AMBRA1: variants seen among roughly 807,000 people sequenced by gnomAD.
The protein encoded by AMBRA1 is autophagy and beclin 1 regulator 1, also known as activating molecule in BECN1-regulated autophagy protein 1.
A neutral mutation model predicts 125.4 loss-of-function variants in AMBRA1; 47 were observed. That is an observed-to-expected ratio of 0.37 (90% CI 0.30 to 0.48). The LOEUF (loss-of-function observed/expected upper bound fraction) is 0.48, where lower values mean the gene tolerates loss of function less well. AMBRA1 is among the 20% of genes least tolerant of loss of function. The pLI, the probability that AMBRA1 is intolerant of heterozygous loss-of-function variation, is 0.99. For synonymous variants in AMBRA1, 626 were observed against 655.5 expected (o/e 0.95, Z 0.69); for missense variants, 1,331 against 1,693.4 (o/e 0.79, Z 3.76).
At position 46,552,368 on chromosome 11, in the gene AMBRA1, C is replaced by CAAAAA. The variant is rs56090695; in HGVS notation, c.-120-3873_-120-3869dup. On this transcript the variant is annotated intron_variant, in intron 1 of 17. Transcript: ENST00000683756. ...TGAGTGACAGAGTGAGACTCCATCT[C>CAAAAA]AAAAAAAAAAAAAAAAAAAAAAAAA... 3.3e-4 allele frequency among the ~76,000 whole-genome samples: 4 copies of CAAAAA among 11,994 alleles called. 1 individual carries two copies. The highest frequency in any genetic ancestry group is 9.8e-4 in the African/African-American group (4 of 4,100). 7.9% of individuals were successfully genotyped at this position (11,994 alleles called of 152,430 possible). A position where few individuals can be genotyped will look rare whatever the true frequency, so the allele number is the denominator to read the frequency against.
At chr11:46,573,002 G>A (rs1294381133) in intron 1 of AMBRA1, among the ~76,000 whole-genome samples, 4 of 151,456 alleles carry the variant, frequency 2.6e-5, no homozygotes, top group Non-Finnish European at 5.9e-5. Flanking sequence ...GCAGGAGGCT[G>A]AGGCAGGCGA....
chr11:46,588,068 C>T (rs1213657687), intron 1 of AMBRA1, among the ~76,000 whole-genome samples: 1 of 152,172 alleles, frequency 6.6e-6, no homozygotes, highest in Non-Finnish European at 1.5e-5. Context: ...TGCTGTGGCT[C>T]ATGCATGTAA....
At chr11:46,529,306 C>T (rs895830785) in intron 7 of AMBRA1, among the ~76,000 whole-genome samples, 8 of 152,192 alleles carry the variant, frequency 5.3e-5, no homozygotes, top group African/African-American at 1.9e-4. Context: ...CTCCATTTTC[C>T]CCCTTTGGAA....
intron 17 of AMBRA1, among the ~76,000 whole-genome samples, chr11:46,400,107 C>T (rs1334633399): frequency 1.3e-5 from 2 of 152,276 alleles, no homozygotes; most frequent in South Asian, 2.1e-4. Context: ...TTCCAGCTTT[C>T]TGCTCAGCTC....
chr11:46,517,529 A>G lies in AMBRA1; in HGVS notation c.2073-4716T>C, dbSNP rs1951551514. ...GAAGGCCACTGCTCTATCAAACTAT[A>G]TATTACTTTAACAATACTAAACAGG... On this transcript the variant is annotated intron_variant, in intron 7 of 17. Transcript: ENST00000683756. Among the ~76,000 whole-genome samples the G allele has an allele frequency of 3.4e-5, 4 of 117,256 alleles. No homozygotes were observed. The South Asian group carries it at 8.5e-4, about 25-fold the overall frequency. 76.9% of individuals were successfully genotyped at this position (117,256 alleles called of 152,430 possible).
intron 14 of AMBRA1, among the ~76,000 whole-genome samples, chr11:46,431,806 T>C (rs1947465564): frequency 6.6e-6 from 1 of 152,194 alleles, no homozygotes; most frequent in South Asian, 2.1e-4. Flanking sequence ...AATATCTAGA[T>C]AAGAAAATAG....
At chr11:46,586,475 C>A (rs989004576) in intron 1 of AMBRA1, among the ~76,000 whole-genome samples, 1 of 151,974 alleles carries the variant, frequency 6.6e-6, no homozygotes, top group African/African-American at 2.4e-5. Flanking sequence ...GGATTTGAAC[C>A]TATATCCTTT....
At chr11:46,448,908 C>A (rs972469731) in intron 11 of AMBRA1, among the ~76,000 whole-genome samples, 1 of 152,144 alleles carries the variant, frequency 6.6e-6, no homozygotes, top group African/African-American at 2.4e-5. Context: ...GACAAATAAT[C>A]TAAATAGGCC....
intron 1 of AMBRA1, among the ~76,000 whole-genome samples, chr11:46,583,154 T>C (rs1473547427): frequency 6.6e-6 from 1 of 152,086 alleles, no homozygotes; most frequent in Non-Finnish European, 1.5e-5. Flanking sequence ...AAAACAGAGA[T>C]ATTGATCAAT....
intron 7 of AMBRA1, among the ~76,000 whole-genome samples, chr11:46,523,016 G>T (rs1951824966): frequency 6.6e-6 from 1 of 152,186 alleles, no homozygotes; most frequent in South Asian, 2.1e-4. Context: ...GTGTGCTGGG[G>T]TGTTTATTAA....
chr11:46,555,883 T>C (rs922043593), intron 1 of AMBRA1, among the ~76,000 whole-genome samples: 9 of 152,202 alleles, frequency 5.9e-5, no homozygotes, highest in Admixed American at 3.3e-4. Context: ...TGGAGTCCAA[T>C]CTCCTTATTT....
intron 1 of AMBRA1, among the ~76,000 whole-genome samples, chr11:46,573,663 CTTTTT>C (rs142367481): frequency 1.2e-4 from 16 of 138,674 alleles, no homozygotes; most frequent in African/African-American, 4.2e-4. Flanking sequence ...AATCCTTTTT[CTTTTT>C]TTTTTTTTTT....
chr11:46,547,058 C>CA (rs545025314), intron 4 of AMBRA1, 55 bp downstream of exon 4: 98,452 of 930,014 alleles, frequency 0.11, no homozygotes, highest in South Asian at 0.12. Context: ...GACTCCGTCT[C>CA]AAAAAAAAAA....
At chr11:46,410,391 AAAG>A (rs758798163) in intron 15 of AMBRA1, 23 bp from the exon 16 acceptor site, 13 of 1,603,742 alleles carry the variant, frequency 8.1e-6, no homozygotes, top group South Asian at 1.1e-5. Flanking sequence ...TGGGAAGGGT[AAAG>A]AAGAAGGTGA....
intron 7 of AMBRA1, chr11:46,530,650 C>T (rs984367018): frequency 6.6e-6 from 1 of 152,164 alleles, no homozygotes; most frequent in African/African-American, 2.4e-5. Flanking sequence ...CTTTGGGGCC[C>T]TCATTGTCAT....
chr11:46,513,305 A>T (rs1951344565), intron 7 of AMBRA1, among the ~76,000 whole-genome samples: 1 of 147,516 alleles, frequency 6.8e-6, no homozygotes. Context: ...TACTCCTCAG[A>T]TATATAACTA....
chr11:46,398,636 A>T (rs1945569671), intron 17 of AMBRA1, among the ~76,000 whole-genome samples: 1 of 151,442 alleles, frequency 6.6e-6, no homozygotes, highest in Non-Finnish European at 1.5e-5. Flanking sequence ...CCGCCACCAC[A>T]CCCAGCTAAT....
intron 11 of AMBRA1, among the ~76,000 whole-genome samples, chr11:46,486,250 G>A (rs960551532): frequency 6.6e-6 from 1 of 152,168 alleles, no homozygotes; most frequent in Non-Finnish European, 1.5e-5. Context: ...TGGGTACACG[G>A]CAGAAAGATA....
At chr11:46,540,185 G>C (rs994659673) in intron 7 of AMBRA1, among the ~76,000 whole-genome samples, 4 of 152,124 alleles carry the variant, frequency 2.6e-5, no homozygotes, top group Admixed American at 1.3e-4. Context: ...AAACCACTCA[G>C]GAATTTCTCA....
Sources: gnomAD v4.1 joint callset for allele counts (sites outside exome capture counted in the v4.1 genomes callset) on GRCh38, gnomAD v4.1.1 for gene constraint, MANE v1.5 for transcripts, NCBI Gene and HGNC (gene_info 2026-07-23, HGNC 2026-07-21) for gene names.